SENP1: variants seen among roughly 807,000 people sequenced by gnomAD.
SENP1 encodes the protein SUMO specific peptidase 1.
Under a neutral mutation model 93.0 loss-of-function variants are expected in SENP1, and 21 were observed. The observed-to-expected ratio is 0.23, with a 90% CI of 0.16 to 0.33. The LOEUF is 0.33. Ranked by LOEUF, SENP1 falls within the 10% of genes least tolerant of loss-of-function variation. The pLI is 1.00. For missense variants in SENP1, 591 were observed against 758.7 expected, an observed-to-expected ratio of 0.78 and a Z score of 2.60; for synonymous variants, 256 against 259.6, an observed-to-expected ratio of 0.99 and a Z score of 0.13.
At chr12:48,066,516 T>C (rs1231551486) in intron 10 of SENP1, among the ~76,000 whole-genome samples, 6 of 146,832 alleles carry the variant, frequency 4.1e-5, no homozygotes, top group African/African-American at 1.5e-4. Flanking sequence ...AGGCACTTCT[T>C]TTTTTTTTTT....
In SENP1 at chr12:48,055,330, T is replaced by C. The variant is rs550401273; in HGVS notation, c.1408-6198A>G. 7 of 156,968 alleles carry C rather than the reference T, an allele frequency of 4.5e-5. No individual in the cohort carries two copies. The East Asian group carries it at 9.4e-4, about 21-fold the overall frequency. The allele number at this position is 156,968 out of a possible 1,614,324, so 9.7% of individuals were successfully genotyped here. On this transcript the variant is annotated intron_variant, in intron 13 of 17. Transcript: ENST00000549518. ...TTTGCTGTTACACAGGGCCAAACATTCCCAAATCTCTTCCCTTAGCTCTTA... is the reference window on the plus strand; with the variant it reads ...TTTGCTGTTACACAGGGCCAAACATCCCCAAATCTCTTCCCTTAGCTCTTA...
chr12:48,088,261 G>T (rs1945013315), intron 5 of SENP1, among the ~76,000 whole-genome samples: 1 of 152,104 alleles, frequency 6.6e-6, no homozygotes. Context: ...CACCATGTTG[G>T]CCAGGCTAGT....
rs370707175 is a variant in SENP1 at position 48,065,176 on chromosome 12, T to C, written c.1164A>G (p.Leu388=). 1.5e-5 allele frequency: 24 copies of C among 1,610,518 alleles called. No individual in the cohort carries two copies. The highest frequency in any genetic ancestry group is 1.6e-4 in the Middle Eastern group (1 of 6,080). ...REHSVHDSVE[L]HLRVPLEKEI... is the part of the protein sequence containing the mutation. ...CCTTTTCAAGAGGTACACGAAGATGTAGTTCTACTGAATCATGTACTGAAT... is the reference window on the plus strand; with the variant it reads ...CCTTTTCAAGAGGTACACGAAGATGCAGTTCTACTGAATCATGTACTGAAT... Residue 388 remains leucine (L), a synonymous_variant, in exon 12 of 18, where the codon CTA becomes CTG. Coordinates refer to ENST00000549518, the MANE Select transcript of SENP1 (RefSeq NM_001267594.2).
At chr12:48,079,780 T>C (rs1390425663) in intron 6 of SENP1, among the ~76,000 whole-genome samples, 1 of 141,912 alleles carries the variant, frequency 7.0e-6, no homozygotes, top group Non-Finnish European at 1.5e-5. Flanking sequence ...AGGACACTAG[T>C]AAACTGTTTT....
chr12:48,056,694 A>G (rs1161199331), intron 13 of SENP1, among the ~76,000 whole-genome samples: 25 of 92,500 alleles, frequency 2.7e-4, no homozygotes, highest in African/African-American at 1.2e-3. Flanking sequence ...TAAATATATT[A>G]TTTAATATAT....
chr12:48,085,109 G>A (rs1944762066), intron 5 of SENP1: 13 of 1,388,194 alleles, frequency 9.4e-6, no homozygotes, highest in South Asian at 4.7e-5. Context: ...ACAAGGACAC[G>A]GTGACTGGTT....
rs182148589 is a variant in SENP1 at position 48,084,917 on chromosome 12, G to A, written c.381-1155C>T. 5 of 496,218 alleles carry A rather than the reference G, an allele frequency of 1.0e-5. No individual in the cohort carries two copies. The Admixed American group carries it at 1.5e-4, about 14-fold the overall frequency. 30.7% of individuals were successfully genotyped at this position (496,218 alleles called of 1,614,324 possible). On this transcript the variant is annotated intron_variant, in intron 5 of 17. Transcript: ENST00000549518. ...CAACTCTTTAAAATCATTACATGTG[G>A]TCTGAATCCAAATCAGACAAGATCT...
intron 13 of SENP1, among the ~76,000 whole-genome samples, chr12:48,053,558 C>T (rs1007749504): frequency 4.6e-5 from 7 of 151,626 alleles, no homozygotes; most frequent in East Asian, 1.9e-4. Context: ...CAATAAAAAT[C>T]GGGTGACTTT....
chr12:48,049,468 G>C (rs557516664), intron 13 of SENP1, among the ~76,000 whole-genome samples: 8 of 152,166 alleles, frequency 5.3e-5, no homozygotes, highest in Non-Finnish European at 1.0e-4. Context: ...AAAAGGAGAG[G>C]AAGGCATGCA....
chr12:48,095,535 CA>C (rs3054235), intron 4 of SENP1, among the ~76,000 whole-genome samples: 18,547 of 85,702 alleles, frequency 0.22, 1,153 homozygotes, highest in Middle Eastern at 0.32. Flanking sequence ...GACTCTGTGT[CA>C]AAAAAAAAAA....
chr12:48,097,197 G>A (rs1235092729), intron 3 of SENP1, among the ~76,000 whole-genome samples: 1 of 152,158 alleles, frequency 6.6e-6, no homozygotes, highest in African/African-American at 2.4e-5. Context: ...AAAAGGTTGA[G>A]AAAAATCAAT....
chr12:48,049,930 C>T (rs934485937), intron 13 of SENP1, among the ~76,000 whole-genome samples: 2 of 152,134 alleles, frequency 1.3e-5, no homozygotes, highest in African/African-American at 4.8e-5. Flanking sequence ...CCATTTATGC[C>T]TTCAATATTA....
chr12:48,083,347 A>G (rs1944619769), intron 6 of SENP1, among the ~76,000 whole-genome samples: 1 of 152,214 alleles, frequency 6.6e-6, no homozygotes, highest in African/African-American at 2.4e-5. Flanking sequence ...AAGATTAAGT[A>G]AAGTCAGCTG....
intron 8 of SENP1, among the ~76,000 whole-genome samples, chr12:48,072,825 G>A (rs1943801416): frequency 6.6e-6 from 1 of 152,080 alleles, no homozygotes; most frequent in Admixed American, 6.6e-5. Context: ...GATGTATATA[G>A]GGTATGGTAT....
intron 6 of SENP1, chr12:48,079,947 TAAGAA>T (rs1394303875): frequency 6.6e-6 from 1 of 152,212 alleles, no homozygotes; most frequent in Admixed American, 6.5e-5. Context: ...AAAGCAGTTC[TAAGAA>T]AAGTATAAAA....
At position 48,063,719 on chromosome 12, in the gene SENP1, G is replaced by A. The variant is rs1943110839; in HGVS notation, c.1398C>T (p.Leu466=). The A allele has an allele frequency of 6.2e-7, 1 of 1,611,490 alleles. No individual in the cohort carries two copies. The highest frequency in any genetic ancestry group is 8.5e-7 in the Non-Finnish European group (1 of 1,178,526). The change falls in exon 13 of 18, where the codon CTC becomes CTT. Residue 466 remains leucine, a synonymous_variant. Coordinates refer to ENST00000549518, the MANE Select transcript of SENP1 (RefSeq NM_001267594.2). ...DIQTLNHLNW[L]NDEIINFYMN... ...ATAGATGCAACATTACCTCATCATT[G>A]AGCCAATTCAGATGGTTTAGAGTTT...
At chr12:48,083,052 G>A (rs1051047356) in intron 6 of SENP1, among the ~76,000 whole-genome samples, 3 of 151,994 alleles carry the variant, frequency 2.0e-5, no homozygotes, top group Admixed American at 6.6e-5. Flanking sequence ...GTACAGATAT[G>A]AGCCACCAAG....
At chr12:48,047,130 G>C (rs1242957581) in intron 15 of SENP1, 68 bp from the exon 16 acceptor site, 7 of 963,232 alleles carry the variant, frequency 7.3e-6, no homozygotes, top group Non-Finnish European at 8.3e-6. Context: ...CACTAAGAAT[G>C]GGGCTGACAA....
chr12:48,076,042 C>G (rs1944046281), intron 6 of SENP1, among the ~76,000 whole-genome samples: 1 of 152,184 alleles, frequency 6.6e-6, no homozygotes, highest in African/African-American at 2.4e-5. Context: ...TCACCTGACA[C>G]AGAACCAGAT....
Sources: gnomAD v4.1 joint callset for allele counts (sites outside exome capture counted in the v4.1 genomes callset) on GRCh38, gnomAD v4.1.1 for gene constraint, MANE v1.5 for transcripts, NCBI Gene and HGNC (gene_info 2026-07-23, HGNC 2026-07-21) for gene names.